EDRF1: variants seen among roughly 807,000 people sequenced by gnomAD.
The protein encoded by EDRF1 is erythroid differentiation-related factor 1.
Under a neutral mutation model 148.7 loss-of-function variants are expected in EDRF1, and 69 were observed. The observed-to-expected ratio is 0.46, with a 90% CI of 0.38 to 0.57. EDRF1 has a LOEUF of 0.57. EDRF1 is among the 20% of genes least tolerant of loss of function. The pLI is 0.00. For synonymous variants in EDRF1, 515 were observed against 532.8 expected (o/e 0.97, Z 0.46); for missense variants, 1,118 against 1,478.7 (o/e 0.76, Z 4.00).
intron 22 of EDRF1, among the ~76,000 whole-genome samples, chr10:125,751,437 T>C (rs1272481982): frequency 2.0e-5 from 3 of 150,452 alleles, no homozygotes; most frequent in Admixed American, 6.6e-5. Flanking sequence ...CTAGTACATA[T>C]GATTCAGACC....
At chr10:125,728,979 T>A in intron 6 of EDRF1, 24 bp from the exon 7 acceptor site, 1 of 1,542,084 alleles carries the variant, frequency 6.5e-7, no homozygotes, top group Non-Finnish European at 8.7e-7. Flanking sequence ...GCAGAATCAC[T>A]CCTTATCCTT....
At chr10:125,761,839 A>T (rs1409818721) in intron 24 of EDRF1, among the ~76,000 whole-genome samples, 2 of 152,252 alleles carry the variant, frequency 1.3e-5, no homozygotes, top group African/African-American at 4.8e-5. Flanking sequence ...TCCACAAAGA[A>T]TAAGTCATCT....
At chr10:125,762,489 T>TAA (rs546420898) in intron 24 of EDRF1, among the ~76,000 whole-genome samples, 19 of 141,498 alleles carry the variant, frequency 1.3e-4, no homozygotes, top group African/African-American at 4.4e-4. Context: ...TGGACTCATT[T>TAA]AAAAAAAAAA....
chr10:125,751,403 T>TG (rs1312462214), intron 22 of EDRF1, among the ~76,000 whole-genome samples: 1 of 73,060 alleles, frequency 1.4e-5, no homozygotes, highest in African/African-American at 4.4e-5. Context: ...TTTTACCCAG[T>TG]GTTTTTTTTT....
chr10:125,739,149 G>A (rs1848888185), intron 15 of EDRF1, among the ~76,000 whole-genome samples: 1 of 151,552 alleles, frequency 6.6e-6, no homozygotes, highest in African/African-American at 2.4e-5. Context: ...TAGAAAGCCT[G>A]TATGTTTGAA....
chr10:125,753,649 CA>C, intron 23 of EDRF1, 44 bp from the exon 24 acceptor site: 1 of 1,610,328 alleles, frequency 6.2e-7, no homozygotes, highest in Non-Finnish European at 8.5e-7. Context: ...TATGAAACTA[CA>C]GTTGTTGGAT....
chr10:125,738,322 A>G lies in EDRF1; in HGVS notation c.1858A>G (p.Lys620Glu). The change falls in exon 15 of 25, where the codon AAA becomes GAA. Residue 620 changes from lysine to glutamate, a missense_variant. By Grantham distance (56) the Lys-to-Glu change is moderately conservative. Around this residue, in one of 3 missense-constraint regions of EDRF1, gnomAD observed 954 missense variants for 1,241.4 expected, o/e 0.77. Transcript: ENST00000356792. Reference protein sequence around the residue: ...EGLKSVDSSIKKESDLPAADP... With the variant: ...EGLKSVDSSIEKESDLPAADP... Reference sequence around the variant, plus strand: ...TTTAAAATCTGTCGATAGCAGCATCAAAAAAGAAAGCGACCTTCCAGCAGC... The same window carrying G: ...TTTAAAATCTGTCGATAGCAGCATCGAAAAAGAAAGCGACCTTCCAGCAGC... The G allele has an allele frequency of 6.2e-7, 1 of 1,614,120 alleles. No individual in the cohort carries two copies. The highest frequency in any genetic ancestry group is 2.2e-5 in the East Asian group (1 of 44,886).
In EDRF1 at chr10:125,740,974, TTTC is replaced by T. The variant is rs755073251; in HGVS notation, c.2171-20_2171-18del. On this transcript the variant is annotated intron_variant, in intron 16 of 24. Transcript: ENST00000356792. ...TTAATTTTTTTCTGCATTTGTGTTT[TTTC>T]TTCTTCCCTCCCTTTCTAAACAGAT... 3.1e-6 allele frequency: 5 copies of T among 1,610,850 alleles called. No homozygotes were observed. The African/African-American group carries it at 6.7e-5, about 22-fold the overall frequency.
intron 18 of EDRF1, chr10:125,745,318 T>C (rs1849292975): frequency 4.5e-6 from 1 of 222,602 alleles, no homozygotes; most frequent in African/African-American, 2.2e-5. Context: ...GGCTTGCAGA[T>C]AACCGCCTTG....
intron 19 of EDRF1, chr10:125,746,903 T>A (rs1298213836): frequency 6.5e-6 from 1 of 152,940 alleles, no homozygotes; most frequent in Non-Finnish European, 1.5e-5. Flanking sequence ...TACAAAGATA[T>A]GAGCACTCAT....
At position 125,740,497 on chromosome 10, in the gene EDRF1, A is replaced by G. The variant is rs748610554; in HGVS notation, c.2016A>G (p.Gln672=). The change falls in exon 16 of 25, where the codon CAA becomes CAG. Residue 672 remains glutamine, a synonymous_variant. Coordinates refer to ENST00000356792, the MANE Select transcript of EDRF1 (RefSeq NM_001202438.2). ...TTCAGAAGGGCAATTATTCCAGTCA[A>G]TCTGGAATGATCCCTGGCTCTTGGC... ...GSLQKGNYSS[Q]SGMIPGSWQH... The G allele has an allele frequency of 6.2e-7, 1 of 1,614,094 alleles. No individual in the cohort carries two copies. The highest frequency in any genetic ancestry group is 1.3e-5 in the African/African-American group (1 of 75,016).
chr10:125,737,609 C>A (rs1041688991), intron 13 of EDRF1, among the ~76,000 whole-genome samples: 1 of 152,150 alleles, frequency 6.6e-6, no homozygotes, highest in Admixed American at 6.6e-5. Flanking sequence ...ATTGGTGATA[C>A]TTGTTATTTC....
Position 125,749,458 on chromosome 10 carries a change from T to C in EDRF1, c.3170T>C (p.Leu1057Pro). The C allele has an allele frequency of 1.2e-6, 2 of 1,614,190 alleles. No homozygotes were observed. Among genetic ancestry groups the C allele is most frequent in the Non-Finnish European group, 1.7e-6 (2 of 1,180,032 alleles). Reference sequence around the variant, plus strand: ...AAACAACACCGGGTGCTGGCAGATCTTCATTACAGCAAGGCCGCAAAGCTG... The same window carrying C: ...AAACAACACCGGGTGCTGGCAGATCCTCATTACAGCAAGGCCGCAAAGCTG... ...LRKQHRVLAD[L>P]HYSKAAKLFQ... The change falls in exon 22 of 25, where the codon CTT becomes CCT. Residue 1057 changes from leucine to proline, a missense_variant. Coordinates refer to ENST00000356792, the MANE Select transcript of EDRF1 (RefSeq NM_001202438.2).
chr10:125,723,610 A>C (rs1202714332), intron 3 of EDRF1, among the ~76,000 whole-genome samples: 1 of 152,086 alleles, frequency 6.6e-6, no homozygotes, highest in Non-Finnish European at 1.5e-5. Flanking sequence ...ACATAATGTG[A>C]CTCATAAAGT....
chr10:125,758,553 G>C (rs1053237024), intron 24 of EDRF1, among the ~76,000 whole-genome samples: 9 of 152,128 alleles, frequency 5.9e-5, no homozygotes, highest in Admixed American at 3.9e-4. Context: ...CTGTGGTTGA[G>C]ATTTTTTTAT....
chr10:125,740,450 C>G lies in EDRF1; in HGVS notation c.1982-13C>G. 1 of 1,611,492 alleles carries G rather than the reference C, an allele frequency of 6.2e-7. No homozygotes were observed. Among genetic ancestry groups the G allele is most frequent in the East Asian group, 2.2e-5 (1 of 44,844 alleles). ...TGAAATGTGCTGTCTTTTTTTTTCTCTCCATGTCACAGTGGGCTCCCTTCA... is the reference window on the plus strand; with the variant it reads ...TGAAATGTGCTGTCTTTTTTTTTCTGTCCATGTCACAGTGGGCTCCCTTCA... On this transcript the variant is annotated splice_polypyrimidine_tract_variant and intron_variant, in intron 15 of 24. Coordinates refer to ENST00000356792, the MANE Select transcript of EDRF1 (RefSeq NM_001202438.2).
intron 16 of EDRF1, 42 bp downstream of exon 16, chr10:125,740,693 G>A: frequency 6.3e-7 from 1 of 1,584,052 alleles, no homozygotes; most frequent in Non-Finnish European, 8.6e-7. Context: ...GCACTGGGAA[G>A]AGAGAACAGA....
intron 2 of EDRF1, among the ~76,000 whole-genome samples, chr10:125,721,885 G>A (rs1225219377): frequency 6.6e-6 from 1 of 152,148 alleles, no homozygotes; most frequent in African/African-American, 2.4e-5. Flanking sequence ...CAGAACTGAT[G>A]GTGTTCAAAG....
chr10:125,757,634 A>G lies in EDRF1; in HGVS notation c.3545+3789A>G, dbSNP rs1173316284. 3.3e-5 allele frequency among the ~76,000 whole-genome samples: 5 copies of G among 152,330 alleles called. No homozygotes were observed. In the East Asian group the frequency reaches 9.6e-4, roughly 29 times the overall value. ...GCATTTGTAGGTGTGCTAGCAATGAATTCTATCTTTTCAATTGAGAGAGTT... is the reference window on the plus strand; with the variant it reads ...GCATTTGTAGGTGTGCTAGCAATGAGTTCTATCTTTTCAATTGAGAGAGTT... On this transcript the variant is annotated intron_variant, in intron 24 of 24. Transcript: ENST00000356792.
Sources: gnomAD v4.1 joint callset for allele counts (sites outside exome capture counted in the v4.1 genomes callset) on GRCh38, gnomAD v4.1.1 for gene constraint, gnomAD v4.1.1 regional missense constraint, MANE v1.5 for transcripts, NCBI Gene and HGNC (gene_info 2026-07-23, HGNC 2026-07-21) for gene names.